Variants in DCAF6 observed in about 807,000 individuals in gnomAD.
DCAF6 encodes DDB1- and CUL4-associated factor 6.
Under a neutral mutation model 125.1 loss-of-function variants are expected in DCAF6, and 54 were observed. The ratio of observed to expected loss-of-function variants is 0.43; its 90% CI spans 0.35 to 0.54. The LOEUF (loss-of-function observed/expected upper bound fraction) is 0.54. Ranked by LOEUF, DCAF6 falls within the 20% of genes least tolerant of loss-of-function variation. The probability of loss-of-function intolerance (pLI) is 0.01; values close to 1 mark genes in which losing one functional copy is unlikely to be tolerated. For missense variants in DCAF6, 934 were observed against 1,161.7 expected (o/e 0.80, Z 2.85); for synonymous variants, 371 against 390.4 (o/e 0.95, Z 0.58).
At chr1:168,050,511 G>T (rs941816285) in intron 16 of DCAF6, among the ~76,000 whole-genome samples, 2 of 152,072 alleles carry the variant, frequency 1.3e-5, no homozygotes, top group African/African-American at 4.8e-5. Flanking sequence ...ATTAGCTTAG[G>T]GCTTAATTAT....
chr1:167,978,076 G>A (rs1439630804), intron 4 of DCAF6, among the ~76,000 whole-genome samples: 1 of 152,042 alleles, frequency 6.6e-6, no homozygotes, highest in Non-Finnish European at 1.5e-5. Flanking sequence ...CATCCATGTT[G>A]TGTGTAACTA....
intron 1 of DCAF6, among the ~76,000 whole-genome samples, chr1:167,941,198 A>G (rs537452823): frequency 6.6e-6 from 1 of 152,314 alleles, no homozygotes; most frequent in East Asian, 1.9e-4. Flanking sequence ...GTGAAAGCTG[A>G]AAAATGTATG....
chr1:168,041,083 C>G (rs368362439), intron 13 of DCAF6, among the ~76,000 whole-genome samples: 19 of 151,836 alleles, frequency 1.3e-4, no homozygotes, highest in African/African-American at 4.6e-4. Context: ...CCCTTGAAAA[C>G]GGGCATGTTT....
chr1:167,920,421 T>C, the DCAF6 span: 2 of 980,676 alleles, frequency 2.0e-6, no homozygotes, highest in Non-Finnish European at 3.0e-6. Flanking sequence ...TTCCTAGACA[T>C]AATACTGTTA....
At chr1:168,048,929 TATAGAG>T (rs1377826658) in intron 16 of DCAF6, among the ~76,000 whole-genome samples, 1 of 152,258 alleles carries the variant, frequency 6.6e-6, no homozygotes, top group African/African-American at 2.4e-5. Flanking sequence ...TAATCAGTGT[TATAGAG>T]AGAAATCAAA....
intron 2 of DCAF6, among the ~76,000 whole-genome samples, chr1:167,961,418 A>G (rs1470822212): frequency 6.6e-6 from 1 of 151,788 alleles, no homozygotes; most frequent in South Asian, 2.1e-4. Context: ...AATTTTTTGT[A>G]TTTTTAGTAG....
chr1:167,991,432 A>G, intron 6 of DCAF6, 93 bp downstream of exon 6: 1 of 1,202,034 alleles, frequency 8.3e-7, no homozygotes, highest in Non-Finnish European at 1.1e-6. Context: ...TGTTTGTTAT[A>G]AAATTTCAGA....
At chr1:168,049,431 G>GTTT (rs11369573) in intron 16 of DCAF6, among the ~76,000 whole-genome samples, 148 of 101,144 alleles carry the variant, frequency 1.5e-3, no homozygotes, top group Middle Eastern at 5.3e-3. Context: ...TGTTGTTGTT[G>GTTT]TTTTTTTTTT....
chr1:167,918,152 G>C, the DCAF6 span: 1 of 546,978 alleles, frequency 1.8e-6, no homozygotes, highest in Non-Finnish European at 3.2e-6. Context: ...AAGTCATGTA[G>C]AGAGACTGTT....
At chr1:167,997,025 A>G (rs6658314) in intron 7 of DCAF6, among the ~76,000 whole-genome samples, 161 of 152,146 alleles carry the variant, frequency 1.1e-3, no homozygotes, top group Non-Finnish European at 2.1e-3. Context: ...CGGGCTGTAA[A>G]TTCTGTGACA....
At chr1:167,901,639 T>TGC in the DCAF6 span, 1 of 1,613,054 alleles carries the variant, frequency 6.2e-7, no homozygotes, top group African/African-American at 1.3e-5. Context: ...TGCCGTAGGA[T>TGC]TTATTCCTTC....
chr1:167,870,108 T>C, the DCAF6 span: 1 of 854,548 alleles, frequency 1.2e-6, no homozygotes, highest in Non-Finnish European at 1.9e-6. Flanking sequence ...GTGTTTATTG[T>C]TAGTTATCTA....
intron 12 of DCAF6, among the ~76,000 whole-genome samples, chr1:168,033,521 G>A (rs182583382): frequency 6.6e-6 from 1 of 151,976 alleles, no homozygotes; most frequent in Non-Finnish European, 1.5e-5. Flanking sequence ...GTTTCACCTT[G>A]TTAGCCAGGA....
chr1:168,057,630 G>A (rs1691051269), intron 17 of DCAF6, among the ~76,000 whole-genome samples: 1 of 152,168 alleles, frequency 6.6e-6, no homozygotes, highest in Non-Finnish European at 1.5e-5. Flanking sequence ...GGGTGCTGGT[G>A]ATAATGATAA....
intron 2 of DCAF6, among the ~76,000 whole-genome samples, chr1:167,955,218 A>G (rs1037850874): frequency 6.6e-6 from 1 of 152,196 alleles, no homozygotes; most frequent in East Asian, 1.9e-4. Context: ...GACTATTACA[A>G]ATAAAGTTGC....
chr1:167,921,524 G>T, the DCAF6 span, among the ~76,000 whole-genome samples: 4,546 of 152,060 alleles, frequency 0.03, 235 homozygotes, highest in African/African-American at 0.1. Flanking sequence ...GCCCGGCCTT[G>T]GCTGTTACGC....
At chr1:168,032,498 AT>A (rs1429033770) in intron 12 of DCAF6, among the ~76,000 whole-genome samples, 1 of 152,326 alleles carries the variant, frequency 6.6e-6, no homozygotes, top group African/African-American at 2.4e-5. Context: ...TGGTTGAGAA[AT>A]TTGCCTTTTC....
the DCAF6 span, among the ~76,000 whole-genome samples, chr1:167,865,605 GT>G: frequency 6.6e-6 from 1 of 152,124 alleles, no homozygotes; most frequent in Admixed American, 6.5e-5. Flanking sequence ...ATAAAATGGT[GT>G]TTAGCTTTCT....
the DCAF6 span, chr1:167,902,159 T>C: frequency 8.9e-7 from 1 of 1,124,754 alleles, no homozygotes; most frequent in African/African-American, 1.5e-5. Flanking sequence ...AGAACAGTGA[T>C]TCAGAGAATA....
Sources: gnomAD v4.1 joint callset for allele counts (sites outside exome capture counted in the v4.1 genomes callset) on GRCh38, gnomAD v4.1.1 for gene constraint, MANE v1.5 for transcripts, NCBI Gene and HGNC (gene_info 2026-07-23, HGNC 2026-07-21) for gene names.